The following FOCAD variants were observed in gnomAD, a reference collection of about 807,000 sequenced individuals.
FOCAD encodes KIAA1797.
Under a neutral mutation model 225.6 loss-of-function variants are expected in FOCAD, and 198 were observed. The observed-to-expected ratio is 0.88, with a 90% CI of 0.78 to 0.99. The LOEUF (loss-of-function observed/expected upper bound fraction) is 0.99, where lower values mean the gene tolerates loss of function less well. Among genes scored for constraint, FOCAD ranks in the 50% least tolerant of loss-of-function variants. FOCAD has a pLI of 0.00. For missense variants in FOCAD, 2,713 were observed against 2,123.6 expected, an observed-to-expected ratio of 1.28 and a Z score of -5.46; for synonymous variants, 897 against 755.0, an observed-to-expected ratio of 1.19 and a Z score of -3.08.
At chr9:20,984,742 AATTACGGAC>A (rs890199929) in intron 39 of FOCAD, among the ~76,000 whole-genome samples, 143 of 152,284 alleles carry the variant, frequency 9.4e-4, no homozygotes, top group African/African-American at 3.3e-3. Context: ...CTTTTCACAT[AATTACGGAC>A]ATCCTTCTTT....
intron 33 of FOCAD, 28 bp downstream of exon 33, chr9:20,949,703 G>A: frequency 6.4e-7 from 1 of 1,550,794 alleles, no homozygotes; most frequent in African/African-American, 1.4e-5. Context: ...AAATCCTTGG[G>A]TGGAAAACAT....
At chr9:20,804,935 T>A (rs1458594956) in intron 11 of FOCAD, among the ~76,000 whole-genome samples, 2 of 152,132 alleles carry the variant, frequency 1.3e-5, no homozygotes, top group Non-Finnish European at 2.9e-5. Flanking sequence ...CTAATTTGAT[T>A]TGGTTTGCTA....
At chr9:20,946,671 A>T in intron 29 of FOCAD, 30 bp from the exon 30 acceptor site, 1 of 1,590,684 alleles carries the variant, frequency 6.3e-7, no homozygotes, top group Non-Finnish European at 8.5e-7. Context: ...CCTCCTGAAG[A>T]CATATTTTTC....
intron 20 of FOCAD, among the ~76,000 whole-genome samples, chr9:20,884,377 C>T (rs1291278739): frequency 6.6e-6 from 1 of 152,090 alleles, no homozygotes; most frequent in African/African-American, 2.4e-5. Flanking sequence ...CAGTTCACTG[C>T]AACCTCCACT....
In FOCAD at chr9:20,981,587, G is replaced by A. The variant is rs978483322; in HGVS notation, c.4539G>A (p.Leu1513=). The A allele has an allele frequency of 1.9e-6, 3 of 1,614,036 alleles. No homozygotes were observed. The highest frequency in any genetic ancestry group is 1.7e-6 in the Non-Finnish European group (2 of 1,179,992). The part of the protein sequence containing the change: ...PELCPSALHG[L]SQAMKLPSPA... ...TATGCCCAAGTGCTTTACACGGTCT[G>A]AGCCAGGCCATGAAACTGCCCAGCC... The change falls in exon 38 of 44, where the codon CTG becomes CTA. Residue 1513 remains leucine, a synonymous_variant. Coordinates refer to ENST00000338382, the MANE Select transcript of FOCAD (RefSeq NM_001375567.1).
chr9:20,746,708 TATA>T (rs1828062944), intron 5 of FOCAD, among the ~76,000 whole-genome samples: 1 of 152,342 alleles, frequency 6.6e-6, no homozygotes, highest in East Asian at 1.9e-4. Context: ...TGAACATTGA[TATA>T]ATACTTTTTA....
intron 7 of FOCAD, among the ~76,000 whole-genome samples, chr9:20,768,161 C>G (rs901905464): frequency 2.0e-5 from 3 of 148,340 alleles, no homozygotes; most frequent in East Asian, 4.0e-4. Context: ...TTTCTGAGGG[C>G]TCTGTTCTGT....
chr9:20,781,303 G>A (rs1350195503), intron 9 of FOCAD, among the ~76,000 whole-genome samples: 3 of 152,084 alleles, frequency 2.0e-5, no homozygotes, highest in African/African-American at 7.2e-5. Context: ...GCTTCACTTT[G>A]CTGTTTACTT....
intron 34 of FOCAD, among the ~76,000 whole-genome samples, chr9:20,952,694 G>GT (rs555966438): frequency 4.4e-4 from 64 of 147,030 alleles, no homozygotes; most frequent in African/African-American, 8.9e-4. Flanking sequence ...TGTGGAAAGG[G>GT]TTTTTTTTTT....
chr9:20,730,234 T>C (rs1826569115), intron 4 of FOCAD, among the ~76,000 whole-genome samples: 1 of 152,144 alleles, frequency 6.6e-6, no homozygotes, highest in African/African-American at 2.4e-5. Context: ...AGTGACTAGA[T>C]CCATTAATTC....
rs1006584276 is a variant in FOCAD at position 20,966,366 on chromosome 9, TA to T, written c.4133-10044del. Among the ~76,000 whole-genome samples the T allele has an allele frequency of 3.6e-4, 54 of 150,232 alleles. 1 individual carries two copies. The highest frequency in any genetic ancestry group is 1.1e-3 in the South Asian group (5 of 4,746). On this transcript the variant is annotated intron_variant, in intron 35 of 43. Coordinates refer to ENST00000338382, the MANE Select transcript of FOCAD (RefSeq NM_001375567.1). Reference sequence around the variant, plus strand: ...TATCTGTTCAAGTCCTTTGCCTATTTAAAAAAAAAATAAATTGCCTGTTGTT... The same window carrying T: ...TATCTGTTCAAGTCCTTTGCCTATTTAAAAAAAAATAAATTGCCTGTTGTT...
intron 1 of FOCAD, among the ~76,000 whole-genome samples, chr9:20,708,168 A>T (rs779562331): frequency 6.6e-6 from 1 of 152,198 alleles, no homozygotes; most frequent in Non-Finnish European, 1.5e-5. Context: ...AAATTTATTG[A>T]TAGTGCCCAT....
Position 20,882,072 on chromosome 9 carries a change from A to C in FOCAD, c.2503+16A>C. The C allele has an allele frequency of 6.3e-7, 1 of 1,586,352 alleles. No individual in the cohort carries two copies. Among genetic ancestry groups the C allele is most frequent in the Non-Finnish European group, 8.6e-7 (1 of 1,168,774 alleles). ...GGCCTTGCAGGTAAGGGTAGTACATAGTATCAAAAATACAGGTTTTTCATG... is the reference window on the plus strand; with the variant it reads ...GGCCTTGCAGGTAAGGGTAGTACATCGTATCAAAAATACAGGTTTTTCATG... On this transcript the variant is annotated intron_variant, in intron 20 of 43. Transcript: ENST00000338382.
chr9:20,772,269 G>C (rs186711911), intron 8 of FOCAD, among the ~76,000 whole-genome samples: 1 of 152,288 alleles, frequency 6.6e-6, no homozygotes, highest in East Asian at 1.9e-4. Flanking sequence ...TGCTTGACTT[G>C]AGGTATGTAT....
chr9:20,937,517 G>C (rs1350896002), intron 28 of FOCAD, among the ~76,000 whole-genome samples: 3 of 151,588 alleles, frequency 2.0e-5, no homozygotes, highest in African/African-American at 7.2e-5. Context: ...GGGAAAACTG[G>C]CTAGCCATAT....
intron 1 of FOCAD, among the ~76,000 whole-genome samples, chr9:20,704,854 T>G (rs1172503979): frequency 2.0e-5 from 3 of 152,236 alleles, no homozygotes; most frequent in Non-Finnish European, 4.4e-5. Flanking sequence ...GATTTTCCTA[T>G]TTTGGTAACT....
At chr9:20,933,584 T>C (rs1251566920) in intron 28 of FOCAD, among the ~76,000 whole-genome samples, 4 of 152,222 alleles carry the variant, frequency 2.6e-5, no homozygotes, top group Admixed American at 2.0e-4. Flanking sequence ...TGTGTGTGTG[T>C]GTGTATCACA....
intron 5 of FOCAD, among the ~76,000 whole-genome samples, chr9:20,743,136 T>C (rs889430759): frequency 2.6e-5 from 4 of 152,232 alleles, no homozygotes; most frequent in African/African-American, 9.6e-5. Context: ...TAGAGCCTTC[T>C]TTGCCACATG....
chr9:20,666,196 T>C (rs1821895831), intron 2 of FOCAD, among the ~76,000 whole-genome samples: 1 of 152,316 alleles, frequency 6.6e-6, no homozygotes, highest in South Asian at 2.1e-4. Flanking sequence ...TATCTCATTG[T>C]TTAAACTATT....
Sources: gnomAD v4.1 joint callset for allele counts (sites outside exome capture counted in the v4.1 genomes callset) on GRCh38, gnomAD v4.1.1 for gene constraint, MANE v1.5 for transcripts, NCBI Gene and HGNC (gene_info 2026-07-23, HGNC 2026-07-21) for gene names.